TENM4: variants seen among roughly 807,000 people sequenced by gnomAD.
TENM4 encodes teneurin transmembrane protein 4.
In TENM4, 82 loss-of-function variants were observed where a neutral mutation model predicts 243.3. The ratio of observed to expected loss-of-function variants is 0.34; its 90% CI spans 0.28 to 0.40. The LOEUF (loss-of-function observed/expected upper bound fraction) is 0.40, where lower values mean the gene tolerates loss of function less well. TENM4 is among the 10% of genes least tolerant of loss of function. The pLI is 1.00. For missense variants in TENM4, 3,138 were observed against 3,673.3 expected (o/e 0.85, Z 3.77); for synonymous variants, 1,412 against 1,456.3 (o/e 0.97, Z 0.69).
intron 4 of TENM4, among the ~76,000 whole-genome samples, chr11:79,079,311 G>T (rs1036685698): frequency 5.3e-5 from 8 of 152,254 alleles, no homozygotes; most frequent in Non-Finnish European, 1.2e-4. Context: ...TATGGGCACT[G>T]CTTCTCTGAT....
intron 2 of TENM4, among the ~76,000 whole-genome samples, chr11:79,276,408 A>G (rs1856056902): frequency 6.6e-6 from 1 of 152,242 alleles, no homozygotes; most frequent in African/African-American, 2.4e-5. Context: ...TCCAGGAGGC[A>G]GGAAGTGTTC....
chr11:79,053,205 C>CT (rs954807124), intron 6 of TENM4, among the ~76,000 whole-genome samples: 1 of 152,164 alleles, frequency 6.6e-6, no homozygotes, highest in African/African-American at 2.4e-5. Context: ...ACTTGAGGTT[C>CT]TTGACAAGTT....
chr11:79,054,721 C>T (rs1017455106), intron 6 of TENM4, among the ~76,000 whole-genome samples: 44 of 151,954 alleles, frequency 2.9e-4, no homozygotes, highest in African/African-American at 1.0e-3. Flanking sequence ...GCTGAGATTA[C>T]AGGCATGAGT....
At chr11:78,929,336 A>G (rs970948545) in intron 6 of TENM4, among the ~76,000 whole-genome samples, 2 of 152,236 alleles carry the variant, frequency 1.3e-5, no homozygotes, top group Non-Finnish European at 2.9e-5. Flanking sequence ...TACAGTGATT[A>G]CGCATTGCCA....
At chr11:78,993,620 AC>A (rs1437152194) in intron 6 of TENM4, among the ~76,000 whole-genome samples, 1 of 152,046 alleles carries the variant, frequency 6.6e-6, no homozygotes, top group Non-Finnish European at 1.5e-5. Context: ...AATTCATGAA[AC>A]TTTTTATTCC....
intron 2 of TENM4, among the ~76,000 whole-genome samples, chr11:79,226,672 C>T (rs181454678): frequency 3.9e-5 from 6 of 152,282 alleles, no homozygotes; most frequent in Admixed American, 3.9e-4. Flanking sequence ...GGACTAGGGA[C>T]AGCAATGATA....
At chr11:79,043,262 T>C (rs1018537997) in intron 6 of TENM4, among the ~76,000 whole-genome samples, 40 of 152,258 alleles carry the variant, frequency 2.6e-4, no homozygotes, top group African/African-American at 9.2e-4. Context: ...GATCTTTTTA[T>C]TCTATGTTGT....
intron 6 of TENM4, among the ~76,000 whole-genome samples, chr11:78,984,903 C>T (rs1432653450): frequency 5.9e-5 from 9 of 152,146 alleles, no homozygotes; most frequent in Admixed American, 1.3e-4. Flanking sequence ...CTAGTGGCTA[C>T]CGTATTGGAC....
At chr11:79,105,019 T>C (rs1861330669) in intron 4 of TENM4, among the ~76,000 whole-genome samples, 1 of 152,204 alleles carries the variant, frequency 6.6e-6, no homozygotes, top group Non-Finnish European at 1.5e-5. Flanking sequence ...TTAGAATACA[T>C]AAATACATTC....
At chr11:78,880,457 TA>T (rs71763484) in intron 9 of TENM4, among the ~76,000 whole-genome samples, 663 of 104,058 alleles carry the variant, frequency 6.4e-3, no homozygotes, top group African/African-American at 0.03. Context: ...CAATAAATAC[TA>T]AAAAAAAAAA....
chr11:79,116,206 A>G (rs1047328184), intron 4 of TENM4, among the ~76,000 whole-genome samples: 2 of 152,252 alleles, frequency 1.3e-5, no homozygotes, highest in Non-Finnish European at 2.9e-5. Context: ...GGCATAGTAA[A>G]TCATAAATGG....
chr11:79,357,389 T>C (rs1465726932), intron 1 of TENM4, among the ~76,000 whole-genome samples: 1 of 152,248 alleles, frequency 6.6e-6, no homozygotes, highest in East Asian at 1.9e-4. Context: ...TGTGAGAGCA[T>C]TCTGTTTGTA....
intron 16 of TENM4, among the ~76,000 whole-genome samples, chr11:78,779,669 T>C (rs188427277): frequency 1.3e-4 from 20 of 152,260 alleles, no homozygotes; most frequent in African/African-American, 4.6e-4. Context: ...CCTACTAGTG[T>C]GTTCTGCAAA....
At chr11:78,975,715 C>G (rs1160253507) in intron 6 of TENM4, among the ~76,000 whole-genome samples, 1 of 151,480 alleles carries the variant, frequency 6.6e-6, no homozygotes, top group South Asian at 2.1e-4. Flanking sequence ...AATAGTCCAG[C>G]CTCCTACTCA....
intron 2 of TENM4, among the ~76,000 whole-genome samples, chr11:79,270,556 G>A (rs1203565032): frequency 6.6e-6 from 1 of 152,080 alleles, no homozygotes; most frequent in African/African-American, 2.4e-5. Flanking sequence ...TCTCTCCCAT[G>A]TATCTCCTCT....
At chr11:79,282,855 A>G (rs980006236) in intron 2 of TENM4, among the ~76,000 whole-genome samples, 6 of 151,974 alleles carry the variant, frequency 3.9e-5, no homozygotes, top group Admixed American at 2.0e-4. Flanking sequence ...GAATTATAGC[A>G]TTCTGTCCCA....
chr11:78,953,795 C>T (rs558208585), intron 6 of TENM4, among the ~76,000 whole-genome samples: 63 of 152,140 alleles, frequency 4.1e-4, no homozygotes, highest in South Asian at 3.3e-3. Flanking sequence ...GTTGCTGTTG[C>T]GGGGAGGGTC....
At chr11:78,737,050 G>C (rs900480339) in intron 20 of TENM4, among the ~76,000 whole-genome samples, 4 of 152,188 alleles carry the variant, frequency 2.6e-5, no homozygotes, top group African/African-American at 7.2e-5. Flanking sequence ...AACCACAACA[G>C]GGCATAAGGA....
intron 1 of TENM4, among the ~76,000 whole-genome samples, chr11:79,415,471 T>C (rs925837593): frequency 6.6e-6 from 1 of 152,194 alleles, no homozygotes; most frequent in African/African-American, 2.4e-5. Flanking sequence ...GACTCGGTGC[T>C]CAGGGCTTTA....
Sources: allele counts gnomAD v4.1 joint callset (sites outside exome capture counted in the v4.1 genomes callset), GRCh38; gene constraint gnomAD v4.1.1; transcripts MANE v1.5; gene names NCBI Gene and HGNC (gene_info 2026-07-23, HGNC 2026-07-21).